COPB2: variants seen among roughly 807,000 people sequenced by gnomAD.
COPB2 encodes the protein coat protein complex I subunit beta 2, also known as coatomer subunit beta'.
COPB2 carries 16 observed loss-of-function variants against 120.8 expected under a neutral mutation model. The ratio of observed to expected loss-of-function variants is 0.13; its 90% CI spans 0.09 to 0.20. The LOEUF is 0.20. Among genes scored for constraint, COPB2 ranks in the 10% least tolerant of loss-of-function variants. The pLI is 1.00. For missense variants in COPB2, 794 were observed against 1,076.5 expected (o/e 0.74, Z 3.67); for synonymous variants, 332 against 366.3 (o/e 0.91, Z 1.07).
intron 1 of COPB2, among the ~76,000 whole-genome samples, chr3:139,384,149 G>GT: frequency 6.6e-6 from 1 of 152,292 alleles, no homozygotes; most frequent in South Asian, 2.1e-4. Context: ...ATCTGAAACC[G>GT]TATCAATAAG....
At chr3:139,361,008 G>A (rs779145946) in intron 17 of COPB2, 73 bp downstream of exon 17, 30 of 1,514,348 alleles carry the variant, frequency 2.0e-5, no homozygotes, top group Admixed American at 3.4e-5. Context: ...TCTCTCCAGG[G>A]TTCATTCTTC....
intron 1 of COPB2, 66 bp downstream of exon 1, chr3:139,389,481 TC>T: frequency 1.3e-6 from 2 of 1,500,532 alleles, no homozygotes; most frequent in Non-Finnish European, 1.8e-6. Flanking sequence ...CGGCCCTCAG[TC>T]CAGAAGCTCC....
intron 1 of COPB2, chr3:139,389,322 G>C (rs1261054565): frequency 1.7e-6 from 1 of 581,868 alleles, no homozygotes; most frequent in African/African-American, 1.9e-5. Context: ...CGCCAGGGGA[G>C]ACAAAACCCC....
chr3:139,389,459 C>G, intron 1 of COPB2, 89 bp downstream of exon 1: 1 of 1,444,060 alleles, frequency 6.9e-7, no homozygotes, highest in South Asian at 1.4e-5. Flanking sequence ...GAGCCCAGAC[C>G]ACTGCTTACC....
Position 139,379,057 on chromosome 3 carries a change from T to G in COPB2, c.345A>C (p.Leu115=). ...AAGGTCATCTCTTACCACTGCTAGT[T>G]AGAATGAAAGGCTGGGTTGGATGAA... ...IAVHPTQPFI[L]TSSDDMLIKL... The change falls in exon 4 of 22, where the codon CTA becomes CTC. Residue 115 remains leucine (L), a synonymous_variant. Transcript: ENST00000333188. 6.3e-7 allele frequency: 1 copy of G among 1,597,222 alleles called. No homozygotes were observed. Among genetic ancestry groups the G allele is most frequent in the Non-Finnish European group, 8.5e-7 (1 of 1,175,378 alleles).
At chr3:139,389,392 C>T in intron 1 of COPB2, 156 bp downstream of exon 1, 1 of 1,156,714 alleles carries the variant, frequency 8.6e-7, no homozygotes, top group Non-Finnish European at 1.1e-6. Flanking sequence ...CCGCCTTCTC[C>T]CTTCCTGGAA....
chr3:139,364,245 AAAAC>A (rs1306416125), intron 15 of COPB2, among the ~76,000 whole-genome samples: 3 of 152,182 alleles, frequency 2.0e-5, no homozygotes, highest in South Asian at 2.1e-4. Context: ...GGTAGGGCTA[AAAAC>A]AAACAAACTG....
intron 5 of COPB2, among the ~76,000 whole-genome samples, 170 bp downstream of exon 5, chr3:139,377,871 A>G (rs1941743047): frequency 6.6e-6 from 1 of 152,244 alleles, no homozygotes; most frequent in African/African-American, 2.4e-5. Flanking sequence ...ATATTTTTCT[A>G]AACAGAACAT....
intron 5 of COPB2, among the ~76,000 whole-genome samples, chr3:139,377,463 T>G (rs1418207892): frequency 1.3e-5 from 2 of 152,150 alleles, no homozygotes; most frequent in Admixed American, 6.5e-5. Flanking sequence ...TGAAGTAAGG[T>G]TTTGTGAACA....
Position 139,368,173 on chromosome 3 carries a change from G to A in COPB2, c.1517C>T (p.Thr506Ile). The part of the protein sequence containing the change: ...LAAQETHEGV[T>I]EDGIEDAFEV... Reference sequence around the variant, plus strand: ...AAAGGCATCTTCAATGCCATCTTCAGTAACTCCCTCATGTGTTTCCTGTGC... The same window carrying A: ...AAAGGCATCTTCAATGCCATCTTCAATAACTCCCTCATGTGTTTCCTGTGC... The change falls in exon 13 of 22, where the codon ACT (threonine) becomes ATT (isoleucine). Residue 506 changes from threonine to isoleucine, a missense_variant. Around this residue, in one of 3 missense-constraint regions of COPB2, gnomAD observed 610 missense variants for 866.7 expected, o/e 0.70. Coordinates refer to ENST00000333188, the MANE Select transcript of COPB2 (RefSeq NM_004766.3). The A allele has an allele frequency of 6.2e-7, 1 of 1,613,628 alleles. No individual in the cohort carries two copies. The highest frequency in any genetic ancestry group is 8.5e-7 in the Non-Finnish European group (1 of 1,179,818).
Position 139,359,324 on chromosome 3 carries a change from C to T in COPB2, c.2249G>A (p.Arg750Gln), listed in dbSNP as rs146231946. The T allele has an allele frequency of 3.7e-5, 59 of 1,613,958 alleles. No homozygotes were observed. The highest frequency in any genetic ancestry group is 4.5e-5 in the East Asian group (2 of 44,894). Reference protein sequence around the residue: ...ACLELLIRTGRLPEAAFLART... With the variant: ...ACLELLIRTGQLPEAAFLART... ...GGCCAAGAAGGCAGCTTCTGGCAGCCGTCCAGTTCTAATTAAGAGCTCTAG... is the reference window on the plus strand; with the variant it reads ...GGCCAAGAAGGCAGCTTCTGGCAGCTGTCCAGTTCTAATTAAGAGCTCTAG... Residue 750 changes from arginine (R) to glutamine (Q), a missense_variant, in exon 18 of 22, where the codon CGG becomes CAG. Around this residue, in one of 3 missense-constraint regions of COPB2, gnomAD observed 178 missense variants for 183.2 expected, o/e 0.97. Transcript: ENST00000333188.
chr3:139,373,536 G>A (rs752877124), intron 8 of COPB2, 124 bp from the exon 9 acceptor site: 15 of 1,494,722 alleles, frequency 1.0e-5, no homozygotes, highest in Non-Finnish European at 1.4e-5. Context: ...AATCTTCATT[G>A]CTTAATGTCT....
At position 139,371,704 on chromosome 3, in the gene COPB2, T is replaced by G; in HGVS notation, c.1205+19A>C. On this transcript the variant is annotated intron_variant, in intron 10 of 21. Coordinates refer to ENST00000333188, the MANE Select transcript of COPB2 (RefSeq NM_004766.3). ...ATCTGCAATCAGGGCATGCTGGCTA[T>G]CATACAATCAAAACTTACTCTGAAG... 6.3e-7 allele frequency: 1 copy of G among 1,592,756 alleles called. No homozygotes were observed. The highest frequency in any genetic ancestry group is 8.6e-7 in the Non-Finnish European group (1 of 1,160,620).
intron 5 of COPB2, among the ~76,000 whole-genome samples, chr3:139,376,973 T>A (rs1031538120): frequency 2.6e-5 from 4 of 152,108 alleles, no homozygotes; most frequent in Admixed American, 2.0e-4. Flanking sequence ...ATGGTCTCGA[T>A]CTCCTGACCT....
Position 139,359,060 on chromosome 3 carries a change from C to T in COPB2, c.2422G>A (p.Glu808Lys), listed in dbSNP as rs755502155. 1.9e-6 allele frequency: 3 copies of T among 1,613,924 alleles called. No homozygotes were observed. In the African/African-American group the frequency reaches 4.0e-5, roughly 22 times the overall value. Residue 808 changes from glutamate to lysine, a missense_variant, in exon 19 of 22, where the codon GAA becomes AAA. By Grantham distance (56) the Glu-to-Lys change is moderately conservative. Coordinates refer to ENST00000333188, the MANE Select transcript of COPB2 (RefSeq NM_004766.3). The stretch of plus-strand genomic sequence containing the variant: ...GCATGTGTTTCCTTCACCCATTCTT[C>T]AACAACAAAGGCTTCTTTTAATCCA... The part of the protein sequence containing the change: ...FPGLKEAFVV[E>K]EWVKETHADL...
Position 139,362,531 on chromosome 3 carries a change from T to A in COPB2, c.1885-14A>T, listed in dbSNP as rs1251897908. On this transcript the variant is annotated splice_polypyrimidine_tract_variant and intron_variant, in intron 15 of 21. Transcript: ENST00000333188. ...CTGCTTGAAGCCCTAAACAGATTTTTAAAAATTATATATATTTATGCATAC... is the reference window on the plus strand; with the variant it reads ...CTGCTTGAAGCCCTAAACAGATTTTAAAAAATTATATATATTTATGCATAC... 6 of 1,549,224 alleles carry A rather than the reference T, an allele frequency of 3.9e-6. No homozygotes were observed. The highest frequency in any genetic ancestry group is 2.3e-5 in the East Asian group (1 of 43,574).
At chr3:139,373,154 A>G in intron 9 of COPB2, 59 bp downstream of exon 9, 1 of 1,534,388 alleles carries the variant, frequency 6.5e-7, no homozygotes, top group Non-Finnish European at 9.0e-7. Flanking sequence ...TGGACTGTGG[A>G]TCTGCAAACC....
intron 15 of COPB2, among the ~76,000 whole-genome samples, chr3:139,366,146 G>C (rs1160556709): frequency 2.0e-5 from 3 of 152,132 alleles, no homozygotes; most frequent in African/African-American, 7.2e-5. Context: ...TTTTTCTTAA[G>C]CTTTGCAAAA....
Position 139,383,448 on chromosome 3 carries a change from A to G in COPB2, c.4-13T>C. On this transcript the variant is annotated splice_polypyrimidine_tract_variant and intron_variant, in intron 1 of 21. Transcript: ENST00000333188. ...CAAGTCGCAGAGGCTAAAAAGAAAC[A>G]TTAAAAAAATTAAATTGCTAAGCCA... 2.0e-6 allele frequency: 3 copies of G among 1,527,570 alleles called. No individual in the cohort carries two copies. In the African/African-American group the frequency reaches 4.2e-5, roughly 21 times the overall value. The allele number at this position is 1,527,570 out of a possible 1,614,324, so 94.6% of individuals were successfully genotyped here.
Sources: allele counts gnomAD v4.1 joint callset (sites outside exome capture counted in the v4.1 genomes callset), GRCh38; gene constraint gnomAD v4.1.1; regional missense constraint gnomAD v4.1.1; transcripts MANE v1.5; gene names NCBI Gene and HGNC (gene_info 2026-07-23, HGNC 2026-07-21).